The following GRIN2B variants were observed in gnomAD, a reference collection of about 807,000 sequenced individuals.
GRIN2B encodes glutamate ionotropic receptor NMDA type subunit 2B, also known as glutamate receptor ionotropic, NMDA 2B.
GRIN2B carries 5 observed loss-of-function variants against 114.5 expected under a neutral mutation model. That is an observed-to-expected ratio of 0.04 (90% confidence interval 0.02 to 0.09). The LOEUF is 0.09. GRIN2B is among the 10% of genes least tolerant of loss of function. The pLI, the probability that GRIN2B is intolerant of heterozygous loss-of-function variation, is 1.00. For missense variants in GRIN2B, 1,108 were observed against 1,943.5 expected, an observed-to-expected ratio of 0.57 and a Z score of 8.08; for synonymous variants, 787 against 745.1, an observed-to-expected ratio of 1.06 and a Z score of -0.92.
At chr12:13,637,948 C>A (rs927746339) in intron 5 of GRIN2B, among the ~76,000 whole-genome samples, 2 of 152,064 alleles carry the variant, frequency 1.3e-5, no homozygotes, top group East Asian at 3.9e-4. Context: ...CTGTTACTGA[C>A]CTGCAAATAA....
intron 2 of GRIN2B, among the ~76,000 whole-genome samples, chr12:13,934,612 C>T (rs1867095542): frequency 6.6e-6 from 1 of 152,208 alleles, no homozygotes; most frequent in Admixed American, 6.5e-5. Flanking sequence ...CTCTTTCCTC[C>T]ACAGGCTACC....
At chr12:13,588,759 G>A (rs1244030801) in intron 10 of GRIN2B, among the ~76,000 whole-genome samples, 1 of 152,188 alleles carries the variant, frequency 6.6e-6, no homozygotes, top group East Asian at 1.9e-4. Context: ...TATGTGGAAT[G>A]GATGTGGTCA....
intron 2 of GRIN2B, among the ~76,000 whole-genome samples, chr12:13,910,203 T>G (rs1318182465): frequency 6.6e-6 from 1 of 152,210 alleles, no homozygotes; most frequent in Admixed American, 6.6e-5. Flanking sequence ...TGCTGAATGA[T>G]GCACATTACA....
chr12:13,892,371 C>T (rs1039523452), intron 2 of GRIN2B, among the ~76,000 whole-genome samples: 3 of 152,180 alleles, frequency 2.0e-5, no homozygotes, highest in Non-Finnish European at 4.4e-5. Context: ...GTTTTCCAGT[C>T]TTGGTCCTTT....
At chr12:13,700,170 T>C (rs1565505203) in intron 4 of GRIN2B, among the ~76,000 whole-genome samples, 1 of 152,112 alleles carries the variant, frequency 6.6e-6, no homozygotes. Flanking sequence ...ATCTGCACAG[T>C]AAGTACACTG....
intron 10 of GRIN2B, 103 bp downstream of exon 10, chr12:13,608,500 G>A (rs904290796): frequency 2.4e-6 from 2 of 820,328 alleles, no homozygotes. Context: ...AGAAAGAACG[G>A]TCAATTCCAA....
At chr12:13,633,658 C>T (rs1459999330) in intron 5 of GRIN2B, among the ~76,000 whole-genome samples, 4 of 152,198 alleles carry the variant, frequency 2.6e-5, no homozygotes, top group Non-Finnish European at 4.4e-5. Flanking sequence ...ATATTCCTGA[C>T]TTGAAAAAGT....
chr12:13,580,901 A>T (rs1175446777), intron 10 of GRIN2B, among the ~76,000 whole-genome samples: 1 of 152,206 alleles, frequency 6.6e-6, no homozygotes, highest in Non-Finnish European at 1.5e-5. Flanking sequence ...AAAACGTCAT[A>T]TAAATGGAAT....
chr12:13,876,027 A>C (rs1405187208), intron 2 of GRIN2B, among the ~76,000 whole-genome samples: 1 of 152,216 alleles, frequency 6.6e-6, no homozygotes, highest in Non-Finnish European at 1.5e-5. Flanking sequence ...TACCTAAGAG[A>C]TCAGGAGAGT....
At position 13,602,210 on chromosome 12, in the gene GRIN2B, G is replaced by C. The variant is rs544045628; in HGVS notation, c.2010+6393C>G. On this transcript the variant is annotated intron_variant, in intron 10 of 13. Coordinates refer to ENST00000609686, the MANE Select transcript of GRIN2B (RefSeq NM_000834.5). The stretch of plus-strand genomic sequence containing the variant: ...GGGGAGTTTTACATTTTTCAGATCT[G>C]CTCTTGATCAGTAGCTCCAAGAAGA... Among the ~76,000 whole-genome samples the C allele has an allele frequency of 1.4e-3, 209 of 152,262 alleles. 1 individual carries two copies. The highest frequency in any genetic ancestry group is 4.7e-3 in the African/African-American group (197 of 41,562).
chr12:13,890,995 G>A (rs969248688), intron 2 of GRIN2B, among the ~76,000 whole-genome samples: 5 of 152,160 alleles, frequency 3.3e-5, no homozygotes, highest in Non-Finnish European at 5.9e-5. Context: ...CATTAGCCAA[G>A]CCAGCCAATC....
At chr12:13,712,818 C>T (rs1402057295) in intron 4 of GRIN2B, among the ~76,000 whole-genome samples, 1 of 151,874 alleles carries the variant, frequency 6.6e-6, no homozygotes, top group African/African-American at 2.4e-5. Flanking sequence ...GTCAATATCT[C>T]TCTCCCAAGT....
chr12:13,786,274 T>C (rs1209491222), intron 3 of GRIN2B, among the ~76,000 whole-genome samples: 1 of 152,180 alleles, frequency 6.6e-6, no homozygotes, highest in African/African-American at 2.4e-5. Context: ...TTAAAATAAT[T>C]TGGGGTTTAA....
intron 2 of GRIN2B, among the ~76,000 whole-genome samples, chr12:13,963,658 G>C (rs1012635857): frequency 3.3e-5 from 5 of 152,150 alleles, no homozygotes; most frequent in Non-Finnish European, 7.4e-5. Context: ...AAAGTCACTC[G>C]GTGGCAATTC....
chr12:13,829,468 G>A (rs1156940088), intron 3 of GRIN2B, among the ~76,000 whole-genome samples: 1 of 152,266 alleles, frequency 6.6e-6, no homozygotes, highest in South Asian at 2.1e-4. Context: ...AAGATGGTGC[G>A]GGAATTGAGC....
chr12:13,634,386 C>T (rs1407133071), intron 5 of GRIN2B: 1 of 152,180 alleles, frequency 6.6e-6, no homozygotes, highest in African/African-American at 2.4e-5. Context: ...TCATTTCTAG[C>T]TCGTGTAACC....
chr12:13,631,939 C>G (rs1040380986), intron 5 of GRIN2B, among the ~76,000 whole-genome samples: 1 of 152,234 alleles, frequency 6.6e-6, no homozygotes, highest in Non-Finnish European at 1.5e-5. Flanking sequence ...TTCCAGATGT[C>G]TGACATCGAG....
intron 9 of GRIN2B, 96 bp downstream of exon 9, chr12:13,611,629 A>T: frequency 1.7e-6 from 2 of 1,212,056 alleles, no homozygotes; most frequent in Non-Finnish European, 2.5e-6. Flanking sequence ...AGAAATGGAT[A>T]TGCTAGGGAA....
chr12:13,790,105 T>A (rs1480819226), intron 3 of GRIN2B, among the ~76,000 whole-genome samples: 1 of 152,186 alleles, frequency 6.6e-6, no homozygotes, highest in Non-Finnish European at 1.5e-5. Context: ...GGGATGCAAA[T>A]ATCCTTCAGT....
Sources: gnomAD v4.1 joint callset for allele counts (sites outside exome capture counted in the v4.1 genomes callset) on GRCh38, gnomAD v4.1.1 for gene constraint, MANE v1.5 for transcripts, NCBI Gene and HGNC (gene_info 2026-07-23, HGNC 2026-07-21) for gene names.